The following NRXN1 variants were observed in gnomAD, a reference collection of about 807,000 sequenced individuals.
The protein encoded by NRXN1 is neurexin-1.
NRXN1 carries 39 observed loss-of-function variants against 150.9 expected under a neutral mutation model. The ratio of observed to expected loss-of-function variants is 0.26; its 90% CI spans 0.20 to 0.34. The LOEUF is 0.34. Among genes scored for constraint, NRXN1 ranks in the 10% least tolerant of loss-of-function variants. NRXN1 has a pLI of 1.00. For synonymous variants in NRXN1, 924 were observed against 757.0 expected (o/e 1.22, Z -3.62); for missense variants, 1,815 against 1,949.9 (o/e 0.93, Z 1.30).
intron 5 of NRXN1, among the ~76,000 whole-genome samples, chr2:50,677,331 T>C (rs899788848): frequency 2.6e-5 from 4 of 152,160 alleles, no homozygotes; most frequent in African/African-American, 9.6e-5. Context: ...GGCATGTCTG[T>C]GTGCAGGCTA....
chr2:50,680,459 G>C (rs985952021), intron 5 of NRXN1, among the ~76,000 whole-genome samples: 1 of 151,938 alleles, frequency 6.6e-6, no homozygotes, highest in Non-Finnish European at 1.5e-5. Context: ...CAAGAAAATG[G>C]ACTATAGATA....
At chr2:50,520,668 G>C (rs77653927) in intron 12 of NRXN1, among the ~76,000 whole-genome samples, 1 of 151,808 alleles carries the variant, frequency 6.6e-6, no homozygotes, top group Non-Finnish European at 1.5e-5. Flanking sequence ...ATTGCATAAA[G>C]AATTTCTTGA....
chr2:50,429,603 A>G (rs2084784092), intron 17 of NRXN1, among the ~76,000 whole-genome samples: 1 of 152,200 alleles, frequency 6.6e-6, no homozygotes, highest in Non-Finnish European at 1.5e-5. Flanking sequence ...AAATAGATCC[A>G]AGAGAAATAG....
intron 18 of NRXN1, among the ~76,000 whole-genome samples, chr2:50,104,940 A>G (rs917084462): frequency 3.9e-5 from 6 of 152,076 alleles, no homozygotes; most frequent in African/African-American, 1.4e-4. Flanking sequence ...AATTCTCACA[A>G]TAACTCATTT....
chr2:50,710,309 T>C (rs1694993019), intron 5 of NRXN1, among the ~76,000 whole-genome samples: 1 of 152,158 alleles, frequency 6.6e-6, no homozygotes, highest in Non-Finnish European at 1.5e-5. Context: ...AACTCACATC[T>C]TACTCAGGTA....
chr2:50,634,860 C>T (rs1682999407), intron 5 of NRXN1, among the ~76,000 whole-genome samples: 1 of 152,146 alleles, frequency 6.6e-6, no homozygotes, highest in Non-Finnish European at 1.5e-5. Context: ...TTCTCTGGTT[C>T]ACCCTTACTG....
intron 21 of NRXN1, among the ~76,000 whole-genome samples, chr2:50,048,433 G>C (rs1307656496): frequency 2.0e-5 from 3 of 151,926 alleles, no homozygotes; most frequent in Non-Finnish European, 4.4e-5. Flanking sequence ...TTACAGCTAA[G>C]GTTAATTAAT....
intron 5 of NRXN1, among the ~76,000 whole-genome samples, chr2:50,837,934 A>G (rs1672339674): frequency 6.6e-6 from 1 of 152,148 alleles, no homozygotes; most frequent in African/African-American, 2.4e-5. Flanking sequence ...TATTTTGGGC[A>G]TTAATTAGGT....
intron 17 of NRXN1, among the ~76,000 whole-genome samples, chr2:50,457,536 G>A (rs115053484): frequency 0.015 from 2,290 of 152,098 alleles, 56 homozygotes; most frequent in African/African-American, 0.05. Flanking sequence ...TAAAGAACTG[G>A]AGAAAATATT....
chr2:50,469,797 GAT>G (rs2089285458), intron 16 of NRXN1, among the ~76,000 whole-genome samples: 2 of 150,688 alleles, frequency 1.3e-5, no homozygotes, highest in African/African-American at 2.4e-5. Flanking sequence ...TAAAAGCTCA[GAT>G]ATATAAAGCA....
chr2:50,539,111 T>C (rs551430189), intron 9 of NRXN1, among the ~76,000 whole-genome samples: 1 of 141,812 alleles, frequency 7.1e-6, no homozygotes, highest in South Asian at 2.2e-4. Flanking sequence ...AGATTACCTA[T>C]GTCAAAACCT....
chr2:50,426,560 G>T (rs531472800), intron 17 of NRXN1, among the ~76,000 whole-genome samples: 8 of 152,270 alleles, frequency 5.3e-5, no homozygotes, highest in Admixed American at 3.3e-4. Context: ...TTTGAGAGTG[G>T]AGAGAAACTT....
chr2:49,997,375 T>C (rs932366704), intron 21 of NRXN1, among the ~76,000 whole-genome samples: 5 of 152,178 alleles, frequency 3.3e-5, no homozygotes, highest in African/African-American at 7.2e-5. Context: ...TGATTTTATA[T>C]TAAGTATTAT....
At chr2:50,350,948 G>A (rs1465380469) in intron 17 of NRXN1, among the ~76,000 whole-genome samples, 3 of 152,182 alleles carry the variant, frequency 2.0e-5, no homozygotes, top group Admixed American at 6.5e-5. Context: ...GGTGTATGCT[G>A]TGATACGGAT....
chr2:50,458,722 G>A (rs1573054761), intron 17 of NRXN1, among the ~76,000 whole-genome samples: 1 of 152,086 alleles, frequency 6.6e-6, no homozygotes, highest in East Asian at 2.0e-4. Context: ...TGGAATTACA[G>A]GCATGTACCA....
At chr2:50,983,000 G>A (rs1399925084) in intron 2 of NRXN1, among the ~76,000 whole-genome samples, 1 of 151,886 alleles carries the variant, frequency 6.6e-6, no homozygotes, top group Non-Finnish European at 1.5e-5. Context: ...AATAAAAAAT[G>A]TGTTGGTCAA....
At chr2:50,086,091 T>C (rs1306316546) in intron 19 of NRXN1, among the ~76,000 whole-genome samples, 1 of 152,160 alleles carries the variant, frequency 6.6e-6, no homozygotes, top group African/African-American at 2.4e-5. Flanking sequence ...AACGTTGAAG[T>C]TCCTTCCCTC....
intron 12 of NRXN1, among the ~76,000 whole-genome samples, chr2:50,522,085 G>A (rs2092805190): frequency 6.6e-6 from 1 of 152,092 alleles, no homozygotes. Context: ...GAAGAATACA[G>A]TAAAGGAAGG....
chr2:51,028,249 C>A lies in NRXN1; in HGVS notation c.25G>T (p.Gly9Trp). 3 of 1,461,816 alleles carry A rather than the reference C, an allele frequency of 2.1e-6. No homozygotes were observed. Among genetic ancestry groups the A allele is most frequent in the South Asian group, 1.4e-5 (1 of 69,400 alleles). The allele number at this position is 1,461,816 out of a possible 1,614,324, so 90.6% of individuals were successfully genotyped here. The change falls in exon 2 of 23, where the codon GGG becomes TGG. Residue 9 changes from glycine to tryptophan, a missense_variant. By Grantham distance (184) the Gly-to-Trp change is radical. Transcript: ENST00000401669. The stretch of plus-strand genomic sequence containing the variant: ...GAGAGGCACAGAAGAAAACAGCCCC[C>A]GCGCTGGAGCAGCGCCGTCCCCATG... MGTALLQR[G>W]GCFLLCLSLL...
Sources: gnomAD v4.1 joint callset for allele counts (sites outside exome capture counted in the v4.1 genomes callset) on GRCh38, gnomAD v4.1.1 for gene constraint, MANE v1.5 for transcripts, NCBI Gene and HGNC (gene_info 2026-07-23, HGNC 2026-07-21) for gene names.